PCDH15: variants seen among roughly 807,000 people sequenced by gnomAD.
The protein encoded by PCDH15 is protocadherin related 15.
In PCDH15, 129 loss-of-function variants were observed where a neutral mutation model predicts 178.5. The observed-to-expected ratio is 0.72, with a 90% CI of 0.63 to 0.84. The LOEUF is 0.84. Ranked by LOEUF, PCDH15 falls within the 40% of genes least tolerant of loss-of-function variation. PCDH15 has a pLI of 0.00. For missense variants in PCDH15, 2,230 were observed against 2,099.9 expected, an observed-to-expected ratio of 1.06 and a Z score of -1.21; for synonymous variants, 800 against 732.0, an observed-to-expected ratio of 1.09 and a Z score of -1.50.
intron 1 of PCDH15, among the ~76,000 whole-genome samples, chr10:55,218,074 C>G (rs1184113526): frequency 6.6e-6 from 1 of 152,036 alleles, no homozygotes; most frequent in Admixed American, 6.6e-5. Context: ...TTTAGAACAC[C>G]AACTATCCTT....
intron 3 of PCDH15, among the ~76,000 whole-genome samples, chr10:54,809,929 G>A (rs57411246): frequency 0.039 from 5,985 of 152,156 alleles, 351 homozygotes; most frequent in African/African-American, 0.13. Context: ...TACGCTAGCC[G>A]TTAGTAGTTT....
intron 25 of PCDH15, among the ~76,000 whole-genome samples, chr10:53,904,596 A>C (rs1452836691): frequency 6.6e-6 from 1 of 152,010 alleles, no homozygotes; most frequent in Non-Finnish European, 1.5e-5. Context: ...TGGAAGAGGT[A>C]GAATCAAGAG....
chr10:54,198,502 T>TCC (rs1290612634), intron 10 of PCDH15, among the ~76,000 whole-genome samples: 3 of 17,834 alleles, frequency 1.7e-4, no homozygotes, highest in African/African-American at 8.5e-4. Flanking sequence ...ATTCTTTTTT[T>TCC]TTTTTTTTTT....
intron 2 of PCDH15, among the ~76,000 whole-genome samples, chr10:55,357,225 C>T (rs773064122): frequency 1.4e-4 from 21 of 151,672 alleles, no homozygotes; most frequent in Admixed American, 2.6e-4. Context: ...AATCTATTTC[C>T]TTAATCTTAT....
chr10:54,229,642 T>C (rs554156524), intron 9 of PCDH15, among the ~76,000 whole-genome samples: 1 of 152,240 alleles, frequency 6.6e-6, no homozygotes, highest in Admixed American at 6.5e-5. Context: ...AAGTGGGAGT[T>C]TCCTTCACAA....
intron 2 of PCDH15, among the ~76,000 whole-genome samples, chr10:55,119,045 G>T (rs1040969209): frequency 2.6e-5 from 4 of 152,150 alleles, no homozygotes; most frequent in Admixed American, 2.6e-4. Flanking sequence ...CCCTGCACCT[G>T]GCACGTCTCC....
At chr10:55,082,582 G>GA (rs35092419) in intron 2 of PCDH15, among the ~76,000 whole-genome samples, 1,768 of 133,784 alleles carry the variant, frequency 0.013, 17 homozygotes, top group Middle Eastern at 0.028. Context: ...AAATTGAAAT[G>GA]AAAAAAAAAA....
chr10:54,765,534 T>C (rs1440315818), intron 1 of PCDH15, among the ~76,000 whole-genome samples: 4 of 152,104 alleles, frequency 2.6e-5, no homozygotes, highest in Non-Finnish European at 5.9e-5. Context: ...AGAATTTTGT[T>C]TGGACATAGT....
chr10:54,449,104 C>A (rs1429097449), intron 3 of PCDH15, among the ~76,000 whole-genome samples: 2 of 151,662 alleles, frequency 1.3e-5, no homozygotes, highest in Admixed American at 1.3e-4. Flanking sequence ...CCATTTAAAT[C>A]CTGAACTATT....
intron 1 of PCDH15, among the ~76,000 whole-genome samples, chr10:55,198,416 T>TA (rs1840152163): frequency 6.6e-6 from 1 of 152,148 alleles, no homozygotes; most frequent in South Asian, 2.1e-4. Flanking sequence ...CTGGTTGCTT[T>TA]AAAAGTGCTG....
At position 55,609,361 on chromosome 10, in the gene PCDH15, T is replaced by C. The variant is rs1843310118; in HGVS notation, c.-156+18264A>G. ...CATGCACTATGCCTTCAAACCTTGG[T>C]CTTTATGTTCATAAATAGCTATAAA... On this transcript the variant is annotated intron_variant, in intron 2 of 5. Coordinates refer to the PCDH15 transcript ENST00000613346. 2.0e-5 allele frequency among the ~76,000 whole-genome samples: 3 copies of C among 152,144 alleles called. No individual in the cohort carries two copies. In the South Asian group the frequency reaches 6.2e-4, roughly 31 times the overall value.
chr10:54,643,065 G>A (rs2135012340), intron 2 of PCDH15, among the ~76,000 whole-genome samples: 1 of 152,262 alleles, frequency 6.6e-6, no homozygotes, highest in East Asian at 1.9e-4. Context: ...TGGGATTACA[G>A]GTGCCTGCCA....
chr10:55,414,605 TA>T, intron 2 of PCDH15, among the ~76,000 whole-genome samples: 1 of 151,804 alleles, frequency 6.6e-6, no homozygotes, highest in South Asian at 2.1e-4. Context: ...TTCCCTTTGT[TA>T]AATGTATTAA....
At chr10:54,167,012 A>G (rs1346673460) in intron 13 of PCDH15, among the ~76,000 whole-genome samples, 1 of 152,174 alleles carries the variant, frequency 6.6e-6, no homozygotes, top group Non-Finnish European at 1.5e-5. Flanking sequence ...CCTCACCCTT[A>G]TCTCCCTTCG....
intron 2 of PCDH15, among the ~76,000 whole-genome samples, chr10:55,472,380 A>G (rs1369170069): frequency 6.6e-6 from 1 of 151,174 alleles, no homozygotes; most frequent in Non-Finnish European, 1.5e-5. Context: ...CATTTCTCCT[A>G]GTTTTTAATT....
At chr10:55,330,996 T>A in intron 2 of PCDH15, among the ~76,000 whole-genome samples, 1 of 151,860 alleles carries the variant, frequency 6.6e-6, no homozygotes, top group South Asian at 2.1e-4. Flanking sequence ...CTATCCAATA[T>A]TATTTAGTAA....
chr10:54,972,065 T>C (rs575518262), intron 2 of PCDH15, among the ~76,000 whole-genome samples: 1 of 152,266 alleles, frequency 6.6e-6, no homozygotes, highest in East Asian at 1.9e-4. Flanking sequence ...CCGTAGACTG[T>C]TAGAACCACT....
intron 1 of PCDH15, among the ~76,000 whole-genome samples, chr10:54,739,535 C>G (rs1255557342): frequency 1.3e-5 from 2 of 149,658 alleles, no homozygotes; most frequent in African/African-American, 4.9e-5. Context: ...TCCCTATCAA[C>G]ATACCAATGA....
chr10:53,890,866 A>T (rs1250863986), intron 26 of PCDH15, among the ~76,000 whole-genome samples: 1 of 152,180 alleles, frequency 6.6e-6, no homozygotes, highest in Non-Finnish European at 1.5e-5. Context: ...TTATGCATAA[A>T]ATCTCTCTCC....
Sources: gnomAD v4.1 joint callset for allele counts (sites outside exome capture counted in the v4.1 genomes callset) on GRCh38, gnomAD v4.1.1 for gene constraint, MANE v1.5 for transcripts, NCBI Gene and HGNC (gene_info 2026-07-23, HGNC 2026-07-21) for gene names.